The following ZNF229 variants were observed in gnomAD, a reference collection of about 807,000 sequenced individuals.
ZNF229 encodes the protein zinc finger protein 229.
A neutral mutation model predicts 11.8 loss-of-function variants in ZNF229; 10 were observed. The observed-to-expected ratio is 0.85, with a 90% confidence interval of 0.52 to 1.44. ZNF229 has a LOEUF of 1.44. ZNF229 is among the 40% of genes most tolerant of loss of function. ZNF229 has a pLI of 0.00. For missense variants in ZNF229, 1,045 were observed against 1,015.1 expected, an observed-to-expected ratio of 1.03 and a Z score of -0.40; for synonymous variants, 368 against 374.8, an observed-to-expected ratio of 0.98 and a Z score of 0.21.
In ZNF229 at chr19:44,426,428, A is replaced by G. The variant is rs1314386188; in HGVS notation, c.*1875T>C. On this transcript the variant is annotated 3_prime_UTR_variant, in exon 6 of 6. Coordinates refer to ENST00000614049, the MANE Select transcript of ZNF229 (RefSeq NM_014518.4). ...ATCCCACCACTAGAGATAAGTAGTT[A>G]TATGTCCTCTCCCACATCTTTTTTT... 6.6e-6 allele frequency: 1 copy of G among 152,204 alleles called. No individual in the cohort carries two copies. Among genetic ancestry groups the G allele is most frequent in the African/African-American group, 2.4e-5 (1 of 41,410 alleles). 9.4% of individuals were successfully genotyped at this position (152,204 alleles called of 1,614,324 possible).
chr19:44,448,499 T>TCGAC (rs1972043608), upstream of ZNF229: 1 of 151,970 alleles, frequency 6.6e-6, no homozygotes, highest in South Asian at 2.1e-4. Flanking sequence ...ACGGAAGTAG[T>TCGAC]CGACTCGAGG....
chr19:44,435,318 C>T (rs1266222027), intron 4 of ZNF229, among the ~76,000 whole-genome samples: 7 of 152,114 alleles, frequency 4.6e-5, no homozygotes, highest in Non-Finnish European at 1.0e-4. Flanking sequence ...GCCATGAGGA[C>T]TCACAGGAGC....
At chr19:44,444,736 G>A (rs1190214103) in intron 2 of ZNF229, among the ~76,000 whole-genome samples, 1 of 152,206 alleles carries the variant, frequency 6.6e-6, no homozygotes, top group Non-Finnish European at 1.5e-5. Flanking sequence ...TCCAGGGGAT[G>A]CTGACAAAGT....
In ZNF229 at chr19:44,442,473, T is replaced by C. The variant is rs1239897227; in HGVS notation, c.93+90A>G. 5.3e-6 allele frequency: 7 copies of C among 1,322,372 alleles called. No homozygotes were observed. The South Asian group carries it at 8.5e-5, about 16-fold the overall frequency. The allele number at this position is 1,322,372 out of a possible 1,614,324, so 81.9% of individuals were successfully genotyped here. A position where few individuals can be genotyped will look rare whatever the true frequency, so the allele number is the denominator to read the frequency against. On this transcript the variant is annotated intron_variant, in intron 4 of 5. Transcript: ENST00000614049. ...AGAAATGTATTCACCCAATACATTT[T>C]TCGCTCTTTTTCCTTTTACCGAGAA...
At chr19:44,438,496 A>T (rs1971852041) in intron 4 of ZNF229, among the ~76,000 whole-genome samples, 2 of 152,228 alleles carry the variant, frequency 1.3e-5, no homozygotes, top group South Asian at 4.1e-4. Flanking sequence ...ACGCTGTGAA[A>T]TAGATATTTG....
chr19:44,446,797 G>C (rs548645955), intron 2 of ZNF229, among the ~76,000 whole-genome samples: 4 of 152,278 alleles, frequency 2.6e-5, no homozygotes, highest in East Asian at 1.9e-4. Flanking sequence ...TTGCAAAAAG[G>C]GCTATGAAGA....
Position 44,442,874 on chromosome 19 carries a change from G to T in ZNF229, c.-27C>A. The T allele has an allele frequency of 6.2e-7, 1 of 1,611,284 alleles. No individual in the cohort carries two copies. Among genetic ancestry groups the T allele is most frequent in the African/African-American group, 1.3e-5 (1 of 74,616 alleles). On this transcript the variant is annotated 5_prime_UTR_variant, in exon 3 of 6. It introduces an in-frame stop codon into an upstream open reading frame of the 5' UTR. Transcript: ENST00000614049. ...GTCTCTTCTGCTAGGTTCTCTGCGAGCAGCAGCAACTGTATTTATTCTCTG... is the reference window on the plus strand; with the variant it reads ...GTCTCTTCTGCTAGGTTCTCTGCGATCAGCAGCAACTGTATTTATTCTCTG...
intron 4 of ZNF229, among the ~76,000 whole-genome samples, chr19:44,441,476 T>C (rs1418289666): frequency 1.3e-5 from 2 of 152,240 alleles, no homozygotes; most frequent in African/African-American, 4.8e-5. Flanking sequence ...GCAATGGCTA[T>C]GATTTTTTTC....
At position 44,429,279 on chromosome 19, in the gene ZNF229, T is replaced by TTG. The variant is rs1359153330; in HGVS notation, c.1500_1501dup (p.Asn501ThrfsTer320). The TTG allele has an allele frequency of 6.2e-6, 10 of 1,613,516 alleles. No individual in the cohort carries two copies. Among genetic ancestry groups the TTG allele is most frequent in the Non-Finnish European group, 8.5e-6 (10 of 1,179,912 alleles). ...TCTCTGGTGAGCTTGAAGGTACGAG[T>TTG]TGTGACTGAAACCTTTGCCACACTT... On this transcript the variant is annotated frameshift_variant, in exon 6 of 6. Coordinates refer to ENST00000614049, the MANE Select transcript of ZNF229 (RefSeq NM_014518.4). LOFTEE classifies it low-confidence loss of function (END_TRUNC).
At position 44,430,352 on chromosome 19, in the gene ZNF229, C is replaced by T; in HGVS notation, c.429G>A (p.Trp143Ter). ...FSEDAAPHQG[W>*]EGASTPCFPI... The stretch of plus-strand genomic sequence containing the variant: ...GAAAACACGGCGTAGATGCTCCTTC[C>T]CACCCTTGATGGGGAGCAGCATCTT... The change falls in exon 6 of 6, where the codon TGG becomes TGA. Residue 143 changes from tryptophan (W) to a stop codon, truncating the protein, a stop_gained. Transcript: ENST00000614049. LOFTEE classifies it low-confidence loss of function (END_TRUNC). 6.2e-7 allele frequency: 1 copy of T among 1,614,120 alleles called. No individual in the cohort carries two copies. The highest frequency in any genetic ancestry group is 8.5e-7 in the Non-Finnish European group (1 of 1,180,038).
chr19:44,430,633 G>A (rs1466309858), intron 5 of ZNF229, 91 bp from the exon 6 acceptor site: 3 of 1,241,700 alleles, frequency 2.4e-6, no homozygotes, highest in Non-Finnish European at 3.3e-6. Context: ...TAATAGCCTA[G>A]AGAAAAATTA....
intron 4 of ZNF229, among the ~76,000 whole-genome samples, chr19:44,434,675 C>T (rs1971781566): frequency 6.6e-6 from 1 of 152,192 alleles, no homozygotes; most frequent in Non-Finnish European, 1.5e-5. Flanking sequence ...TTGCCTTCAG[C>T]ATGTCCCTGG....
chr19:44,444,337 T>C lies in ZNF229; in HGVS notation c.-177-1313A>G, dbSNP rs148828200. 3.5e-3 allele frequency among the ~76,000 whole-genome samples: 537 copies of C among 151,786 alleles called. 5 individuals carry two copies. The highest frequency in any genetic ancestry group is 0.013 in the African/African-American group (521 of 41,174). ...TAGGACACTCACTGGATTTTACTGC[T>C]TCAGGAACTCAAATCTCCTTCTTTC... On this transcript the variant is annotated intron_variant, in intron 2 of 5. Transcript: ENST00000614049.
rs371132127 is a variant in ZNF229, at chr19:44,429,110, G to A, written c.1671C>T (p.Ser557=). The A allele has an allele frequency of 7.0e-5, 113 of 1,611,178 alleles. No individual in the cohort carries two copies. Among genetic ancestry groups the A allele is most frequent in the Admixed American group, 1.7e-4 (10 of 59,826 alleles). The part of the protein sequence containing the change: ...CECGKSFGRS[S]DLHIHQRVHT... ...GGACCCTCTGATGGATGTGGAGGTC[G>A]GAGCTCCGGCCAAAGCTCTTCCCGC... The change falls in exon 6 of 6, where the codon TCC becomes TCT. Residue 557 remains serine (S), a synonymous_variant. Coordinates refer to ENST00000614049, the MANE Select transcript of ZNF229 (RefSeq NM_014518.4).
intron 2 of ZNF229, among the ~76,000 whole-genome samples, chr19:44,443,960 C>A (rs1008399967): frequency 4.6e-5 from 7 of 152,134 alleles, no homozygotes; most frequent in African/African-American, 1.7e-4. Flanking sequence ...ATTAATTACT[C>A]TGGGATCCAG....
chr19:44,446,643 A>C (rs774794009), intron 2 of ZNF229, among the ~76,000 whole-genome samples: 88 of 152,370 alleles, frequency 5.8e-4, no homozygotes, highest in Middle Eastern at 3.4e-3. Context: ...TCATGCATTT[A>C]GTAAATGTAC....
Position 44,429,442 on chromosome 19 carries a change from C to T in ZNF229, c.1339G>A (p.Ala447Thr). 1 of 1,613,836 alleles carries T rather than the reference C, an allele frequency of 6.2e-7. No individual in the cohort carries two copies. Among genetic ancestry groups the T allele is most frequent in the Non-Finnish European group, 8.5e-7 (1 of 1,179,976 alleles). ...TGAATGTGCTGGTGTTTGTGCAGTG[C>T]AGACTTGGCACAGAAGCCTTTGCCA... ...ECGKGFCAKS[A>T]LHKHQHIHPG... The change falls in exon 6 of 6, where the codon GCA becomes ACA. Residue 447 changes from alanine (A) to threonine (T), a missense_variant. By Grantham distance (58) the Ala-to-Thr change is moderately conservative. Transcript: ENST00000614049.
At chr19:44,445,972 A>C (rs768550477) in intron 2 of ZNF229, among the ~76,000 whole-genome samples, 4 of 152,182 alleles carry the variant, frequency 2.6e-5, no homozygotes, top group Non-Finnish European at 5.9e-5. Flanking sequence ...CCAAGAGTGA[A>C]CAGGGCAGAC....
In ZNF229 at chr19:44,428,915, G is replaced by A; in HGVS notation, c.1866C>T (p.His622=). 2 of 1,613,662 alleles carry A rather than the reference G, an allele frequency of 1.2e-6. No homozygotes were observed. Among genetic ancestry groups the A allele is most frequent in the Non-Finnish European group, 1.7e-6 (2 of 1,179,932 alleles). The change falls in exon 6 of 6, where the codon CAC becomes CAT. Residue 622 remains histidine (H), a synonymous_variant. Transcript: ENST00000614049. Reference sequence around the variant, plus strand: ...CACATTTATAGGGTTTCTCTCCAGTGTGGACCCTCTGATGGATAAGGAGGT... The same window carrying A: ...CACATTTATAGGGTTTCTCTCCAGTATGGACCCTCTGATGGATAAGGAGGT... ...SSDLLIHQRV[H]TGEKPYKCAE...
Sources: gnomAD v4.1 joint callset for allele counts (sites outside exome capture counted in the v4.1 genomes callset) on GRCh38, gnomAD v4.1.1 for gene constraint, MANE v1.5 for transcripts, NCBI Gene and HGNC (gene_info 2026-07-23, HGNC 2026-07-21) for gene names.